POU2AF2: variants seen among roughly 807,000 people sequenced by gnomAD.
POU2AF2 encodes POU domain class 2-associating factor 2.
At chr11:111,257,934 A>G in the POU2AF2 span, among the ~76,000 whole-genome samples, 1 of 152,246 alleles carries the variant, frequency 6.6e-6, no homozygotes, top group East Asian at 1.9e-4. Context: ...CCTGGCCAAC[A>G]TGGTGAAACC....
the POU2AF2 span, chr11:111,284,380 G>A: frequency 3.8e-6 from 6 of 1,591,984 alleles, no homozygotes; most frequent in Admixed American, 1.7e-5. Context: ...TCCTATTTGT[G>A]AGTATGCAGA....
At chr11:111,251,671 A>T in the POU2AF2 span, among the ~76,000 whole-genome samples, 1 of 152,226 alleles carries the variant, frequency 6.6e-6, no homozygotes, top group Non-Finnish European at 1.5e-5. Flanking sequence ...ATTCCAGCTT[A>T]AGTCCCATCC....
the POU2AF2 span, among the ~76,000 whole-genome samples, chr11:111,252,117 C>T: frequency 6.6e-6 from 1 of 152,182 alleles, no homozygotes; most frequent in Admixed American, 6.5e-5. Context: ...ACAAAGGATC[C>T]AGCCTGGACC....
At chr11:111,264,025 A>G in the POU2AF2 span, among the ~76,000 whole-genome samples, 1 of 152,238 alleles carries the variant, frequency 6.6e-6, no homozygotes, top group African/African-American at 2.4e-5. Context: ...TCAAAACAAT[A>G]TAAGAAATTC....
the POU2AF2 span, among the ~76,000 whole-genome samples, chr11:111,257,131 T>A: frequency 9.4e-3 from 1,432 of 152,312 alleles, 30 homozygotes; most frequent in African/African-American, 0.032. Context: ...TGTTGGCACC[T>A]GCTGGGTGCA....
the POU2AF2 span, among the ~76,000 whole-genome samples, chr11:111,261,128 C>T: frequency 6.6e-6 from 1 of 152,174 alleles, no homozygotes; most frequent in African/African-American, 2.4e-5. Context: ...ACAACTATTG[C>T]TATGTATGTC....
chr11:111,255,861 CA>C, the POU2AF2 span: 4 of 396,084 alleles, frequency 1.0e-5, no homozygotes, highest in Non-Finnish European at 1.8e-5. Flanking sequence ...ACTTCAAATC[CA>C]GGAATTCTAT....
chr11:111,264,555 A>AGAAAGAAAGAAAGAAG, the POU2AF2 span, among the ~76,000 whole-genome samples: 2 of 71,672 alleles, frequency 2.8e-5, no homozygotes, highest in Admixed American at 1.7e-4. Flanking sequence ...AAAGAAAGAA[A>AGAAAGAAAGAAAGAAG]GAAAGAAAGA....
chr11:111,279,712 A>C, the POU2AF2 span, among the ~76,000 whole-genome samples: 2 of 152,258 alleles, frequency 1.3e-5, no homozygotes, highest in African/African-American at 4.8e-5. Flanking sequence ...TAACAGCCCT[A>C]TTAGCAAATA....
chr11:111,257,220 A>T, the POU2AF2 span, among the ~76,000 whole-genome samples: 3 of 152,238 alleles, frequency 2.0e-5, no homozygotes, highest in Non-Finnish European at 4.4e-5. Context: ...CGCAGCAGGT[A>T]CTGGTTCTTC....
At chr11:111,258,377 T>G in the POU2AF2 span, among the ~76,000 whole-genome samples, 3 of 152,200 alleles carry the variant, frequency 2.0e-5, no homozygotes, top group Non-Finnish European at 4.4e-5. Context: ...GGAATAAACA[T>G]GGTGTCTGCC....
At chr11:111,276,665 T>A in the POU2AF2 span, among the ~76,000 whole-genome samples, 9 of 137,118 alleles carry the variant, frequency 6.6e-5, no homozygotes, top group African/African-American at 2.2e-4. Context: ...AAAAAAAAGA[T>A]AATGGTATAA....
At chr11:111,276,453 A>AAAATATAGATATATATATATAT in the POU2AF2 span, among the ~76,000 whole-genome samples, 16 of 37,688 alleles carry the variant, frequency 4.2e-4, no homozygotes, top group Non-Finnish European at 7.0e-4. Flanking sequence ...AAAAAAAAAA[A>AAAATATAGATATATATATATAT]ATATATATAT....
the POU2AF2 span, among the ~76,000 whole-genome samples, chr11:111,283,007 AG>A: frequency 0.27 from 40,093 of 150,874 alleles, 5,641 homozygotes; most frequent in Admixed American, 0.33. Context: ...CCTTAAATGA[AG>A]CTCTTATCAG....
the POU2AF2 span, among the ~76,000 whole-genome samples, chr11:111,275,641 T>C: frequency 6.6e-6 from 1 of 152,150 alleles, no homozygotes; most frequent in Non-Finnish European, 1.5e-5. Flanking sequence ...AGATCACCCA[T>C]GCGTAAGAAA....
At chr11:111,272,200 G>A in the POU2AF2 span, among the ~76,000 whole-genome samples, 2 of 152,088 alleles carry the variant, frequency 1.3e-5, no homozygotes, top group African/African-American at 4.8e-5. Context: ...CTAGCCTTCA[G>A]AACCAGACTC....
At chr11:111,264,620 GAGAAGAAAGAAA>G in the POU2AF2 span, among the ~76,000 whole-genome samples, 1 of 69,464 alleles carries the variant, frequency 1.4e-5, no homozygotes, top group Admixed American at 1.6e-4. Context: ...AAGAAAGAAA[GAGAAGAAAGAAA>G]GAGAAAGAAA....
At chr11:111,261,573 G>A in the POU2AF2 span, among the ~76,000 whole-genome samples, 2 of 151,962 alleles carry the variant, frequency 1.3e-5, no homozygotes, top group East Asian at 1.9e-4. Flanking sequence ...ACATGAGGGG[G>A]GAAAAATGTA....
chr11:111,280,057 A>AATATATATATATATATATATAT, the POU2AF2 span, among the ~76,000 whole-genome samples: 115 of 76,432 alleles, frequency 1.5e-3, no homozygotes, highest in Admixed American at 2.5e-3. Flanking sequence ...AAAAAAAAAA[A>AATATATATATATATATATATAT]ATATATATAT....
Sources: allele counts gnomAD v4.1 joint callset (sites outside exome capture counted in the v4.1 genomes callset), GRCh38; gene constraint gnomAD v4.1.1; transcripts MANE v1.5; gene names NCBI Gene and HGNC (gene_info 2026-07-23, HGNC 2026-07-21).